GALNTL6: variants seen among roughly 807,000 people sequenced by gnomAD.
The protein encoded by GALNTL6 is polypeptide N-acetylgalactosaminyltransferase-like 6.
A neutral mutation model predicts 73.7 loss-of-function variants in GALNTL6; 46 were observed. The ratio of observed to expected loss-of-function variants is 0.62; its 90% CI spans 0.49 to 0.80. GALNTL6 has a LOEUF of 0.80. GALNTL6 is among the 30% of genes least tolerant of loss of function. GALNTL6 has a pLI of 0.00. For synonymous variants in GALNTL6, 259 were observed against 263.7 expected (o/e 0.98, Z 0.17); for missense variants, 604 against 755.0 (o/e 0.80, Z 2.34).
chr4:172,780,116 C>T (rs1195882454), intron 5 of GALNTL6, among the ~76,000 whole-genome samples: 9 of 144,678 alleles, frequency 6.2e-5, no homozygotes, highest in Admixed American at 1.4e-4. Context: ...TTATTCTTGG[C>T]TTTTTTTTTT....
intron 10 of GALNTL6, among the ~76,000 whole-genome samples, chr4:172,991,016 A>T (rs865775462): frequency 6.6e-6 from 1 of 152,226 alleles, no homozygotes; most frequent in Non-Finnish European, 1.5e-5. Context: ...AATGAAGCCA[A>T]AAAAGACTTA....
At chr4:172,745,139 G>T (rs1431081431) in intron 5 of GALNTL6, among the ~76,000 whole-genome samples, 2 of 151,322 alleles carry the variant, frequency 1.3e-5, no homozygotes, top group African/African-American at 4.9e-5. Context: ...CAAACAATAG[G>T]GAAAGCTGGG....
chr4:172,057,617 A>G (rs1731054614), intron 2 of GALNTL6, among the ~76,000 whole-genome samples: 1 of 149,116 alleles, frequency 6.7e-6, no homozygotes, highest in Non-Finnish European at 1.5e-5. Flanking sequence ...TGAGGCGGGA[A>G]GATCGCTTGA....
Position 172,809,619 on chromosome 4 carries a change from C to CTGATTGCAAACT in GALNTL6, c.739+73_739+74insTGATTGCAAACT. The CTGATTGCAAACT allele has an allele frequency of 7.9e-7, 1 of 1,265,160 alleles. No homozygotes were observed. The highest frequency in any genetic ancestry group is 1.1e-6 in the Non-Finnish European group (1 of 913,388). 78.4% of individuals were successfully genotyped at this position (1,265,160 alleles called of 1,614,324 possible). On this transcript the variant is annotated intron_variant, in intron 6 of 12. Coordinates refer to ENST00000506823, the MANE Select transcript of GALNTL6 (RefSeq NM_001034845.3). This position sits in a 1 kb window ranked among gnomAD's most constrained non-coding sequence, Gnocchi z 4.4. The stretch of plus-strand genomic sequence containing the variant: ...GAGCGGTTTGCTTCTATTTAGTTTG[C>CTGATTGCAAACT]AATCAGCAAACACTAGAGGTCCCTT...
At chr4:172,940,895 ACTCCAGGAGGC>A (rs1048986481) in intron 9 of GALNTL6, among the ~76,000 whole-genome samples, 11 of 151,830 alleles carry the variant, frequency 7.2e-5, no homozygotes, top group African/African-American at 2.7e-4. Context: ...CTGGTCTCAA[ACTCCAGGAGGC>A]CTCAAGCAAT....
chr4:172,360,960 T>A (rs1742346049), intron 5 of GALNTL6, among the ~76,000 whole-genome samples: 2 of 152,244 alleles, frequency 1.3e-5, no homozygotes, highest in African/African-American at 2.4e-5. Flanking sequence ...CTTCTTCAGC[T>A]TGCTCCCTAA....
At chr4:172,093,909 C>T (rs1214968572) in intron 2 of GALNTL6, among the ~76,000 whole-genome samples, 3 of 151,954 alleles carry the variant, frequency 2.0e-5, no homozygotes, top group East Asian at 3.9e-4. Context: ...TATGGTGAGT[C>T]GTATCATTAT....
At chr4:172,638,815 A>T (rs924410427) in intron 5 of GALNTL6, among the ~76,000 whole-genome samples, 6 of 152,244 alleles carry the variant, frequency 3.9e-5, no homozygotes, top group Admixed American at 3.3e-4. Flanking sequence ...TTTAATTGTC[A>T]TCTTGCCTCT....
intron 2 of GALNTL6, among the ~76,000 whole-genome samples, chr4:172,207,057 T>G (rs1434500898): frequency 1.3e-5 from 2 of 151,698 alleles, no homozygotes; most frequent in Admixed American, 6.6e-5. Context: ...GACCTCGTGA[T>G]CCGCCCCCCT....
intron 5 of GALNTL6, among the ~76,000 whole-genome samples, chr4:172,375,369 G>A (rs954355190): frequency 3.9e-5 from 6 of 152,148 alleles, no homozygotes; most frequent in African/African-American, 9.7e-5. Context: ...AGAAAAAAAT[G>A]AGCCGCCTCT....
intron 5 of GALNTL6, among the ~76,000 whole-genome samples, chr4:172,638,920 G>T (rs558718802): frequency 6.6e-6 from 1 of 152,034 alleles, no homozygotes; most frequent in South Asian, 2.1e-4. Context: ...TCCTTCAATT[G>T]GGTTTGTCAG....
At chr4:172,302,030 C>T (rs1739949476) in intron 3 of GALNTL6, among the ~76,000 whole-genome samples, 1 of 152,194 alleles carries the variant, frequency 6.6e-6, no homozygotes, top group Non-Finnish European at 1.5e-5. Context: ...GTTCAAGATT[C>T]CCAGCCGCTT....
chr4:171,977,263 T>C (rs999023503), intron 2 of GALNTL6, among the ~76,000 whole-genome samples: 1 of 152,234 alleles, frequency 6.6e-6, no homozygotes, highest in African/African-American at 2.4e-5. Context: ...CAGTTAATGA[T>C]GTCACCAATT....
intron 4 of GALNTL6, among the ~76,000 whole-genome samples, chr4:172,313,610 G>C (rs1740440944): frequency 6.6e-6 from 1 of 151,992 alleles, no homozygotes; most frequent in Non-Finnish European, 1.5e-5. Flanking sequence ...GAAAAAAATG[G>C]AAAGATGTAA....
At chr4:171,924,073 G>A (rs973895270) in intron 2 of GALNTL6, among the ~76,000 whole-genome samples, 6 of 151,638 alleles carry the variant, frequency 4.0e-5, no homozygotes, top group African/African-American at 1.5e-4. Context: ...AATGATTGTA[G>A]ATGCTCAGGA....
chr4:172,195,820 C>A (rs1735745615), intron 2 of GALNTL6, among the ~76,000 whole-genome samples: 1 of 152,016 alleles, frequency 6.6e-6, no homozygotes, highest in South Asian at 2.1e-4. Context: ...GCACTAAATA[C>A]CCACATCAAA....
chr4:172,871,737 A>G (rs1744950490), intron 7 of GALNTL6, among the ~76,000 whole-genome samples: 1 of 148,536 alleles, frequency 6.7e-6, no homozygotes, highest in Admixed American at 6.8e-5. Flanking sequence ...GTTTGGAGAT[A>G]CTGGTAAAGT....
chr4:172,536,221 GTA>G (rs1327394027), intron 5 of GALNTL6, among the ~76,000 whole-genome samples: 14 of 152,112 alleles, frequency 9.2e-5, no homozygotes, highest in Admixed American at 5.9e-4. Context: ...CCAGTCTCTG[GTA>G]TGTTCTTATA....
intron 2 of GALNTL6, among the ~76,000 whole-genome samples, chr4:172,126,427 ACT>A (rs1042759966): frequency 6.6e-6 from 1 of 152,106 alleles, no homozygotes; most frequent in Non-Finnish European, 1.5e-5. Context: ...AGGTAATCAC[ACT>A]CTGAGTAGAT....
Sources: allele counts gnomAD v4.1 joint callset (sites outside exome capture counted in the v4.1 genomes callset), GRCh38; gene constraint gnomAD v4.1.1; non-coding constraint Gnocchi (gnomAD v3.1); transcripts MANE v1.5; gene names NCBI Gene and HGNC (gene_info 2026-07-23, HGNC 2026-07-21).